Variants in VPS13A observed in about 807,000 individuals in gnomAD.
VPS13A encodes vacuolar protein sorting 13 homolog A, also known as intermembrane lipid transfer protein VPS13A.
Under a neutral mutation model 390.9 loss-of-function variants are expected in VPS13A, and 264 were observed. The ratio of observed to expected loss-of-function variants is 0.68; its 90% confidence interval spans 0.61 to 0.75. The LOEUF is 0.75. Among genes scored for constraint, VPS13A ranks in the 30% least tolerant of loss-of-function variants. The pLI is 0.00. For synonymous variants in VPS13A, 1,231 were observed against 1,227.1 expected (o/e 1.00, Z -0.07); for missense variants, 3,409 against 3,733.9 (o/e 0.91, Z 2.27).
chr9:77,264,396 T>C (rs1825922045), intron 23 of VPS13A, among the ~76,000 whole-genome samples: 2 of 152,180 alleles, frequency 1.3e-5, no homozygotes, highest in African/African-American at 4.8e-5. Flanking sequence ...AGTATGGCCA[T>C]TTTCACAATA....
chr9:77,299,019 C>T (rs1281828170), intron 33 of VPS13A, among the ~76,000 whole-genome samples: 1 of 152,104 alleles, frequency 6.6e-6, no homozygotes, highest in Non-Finnish European at 1.5e-5. Flanking sequence ...AATAGGGAAT[C>T]CTTTCCCCAT....
At chr9:77,295,919 G>A in intron 33 of VPS13A, 73 bp downstream of exon 33, 2 of 1,440,956 alleles carry the variant, frequency 1.4e-6, no homozygotes, top group Non-Finnish European at 1.9e-6. Flanking sequence ...GATGTCTTGA[G>A]TAGTCTGTTT....
chr9:77,352,908 C>T (rs1831549857), intron 53 of VPS13A, among the ~76,000 whole-genome samples: 1 of 152,154 alleles, frequency 6.6e-6, no homozygotes, highest in South Asian at 2.1e-4. Context: ...CCTCAAAACC[C>T]TGATATCAGC....
chr9:77,211,443 C>G (rs1224211154), intron 7 of VPS13A: 1 of 152,030 alleles, frequency 6.6e-6, no homozygotes, highest in African/African-American at 2.4e-5. Flanking sequence ...AAAATTCATT[C>G]AGTTTAACTG....
chr9:77,366,713 C>A lies in VPS13A; in HGVS notation c.8326-14C>A. On this transcript the variant is annotated splice_polypyrimidine_tract_variant and intron_variant, in intron 60 of 71. Coordinates refer to ENST00000360280, the MANE Select transcript of VPS13A (RefSeq NM_033305.3). ...AGAAAATACTTTTAAATATTTATCTCTTTATCTTTTTAGTTACATTTAAGT... is the reference window on the plus strand; with the variant it reads ...AGAAAATACTTTTAAATATTTATCTATTTATCTTTTTAGTTACATTTAAGT... 1.3e-6 allele frequency: 2 copies of A among 1,598,458 alleles called. No individual in the cohort carries two copies. Among genetic ancestry groups the A allele is most frequent in the Non-Finnish European group, 1.7e-6 (2 of 1,170,248 alleles).
At position 77,186,585 on chromosome 9, in the gene VPS13A, A is replaced by G. The variant is rs556787642; in HGVS notation, c.100+8781A>G. Among the ~76,000 whole-genome samples the G allele has an allele frequency of 1.6e-3, 244 of 152,134 alleles. 1 individual carries two copies. Among genetic ancestry groups the G allele is most frequent in the African/African-American group, 5.6e-3 (231 of 41,504 alleles). Reference sequence around the variant, plus strand: ...CCTAAGTAGCTGGGACTACAGATGCATGCCACCATGCCCAGCTAATTTTTG... The same window carrying G: ...CCTAAGTAGCTGGGACTACAGATGCGTGCCACCATGCCCAGCTAATTTTTG... On this transcript the variant is annotated intron_variant, in intron 1 of 71. Coordinates refer to ENST00000360280, the MANE Select transcript of VPS13A (RefSeq NM_033305.3).
chr9:77,243,285 G>A (rs112208239), intron 19 of VPS13A, among the ~76,000 whole-genome samples: 41 of 152,186 alleles, frequency 2.7e-4, no homozygotes, highest in African/African-American at 8.0e-4. Flanking sequence ...CTTACTTGTT[G>A]AACATCCTTA....
intron 19 of VPS13A, among the ~76,000 whole-genome samples, chr9:77,246,719 A>C (rs1294844394): frequency 6.6e-6 from 1 of 152,174 alleles, no homozygotes; most frequent in African/African-American, 2.4e-5. Flanking sequence ...AATGAATTAA[A>C]TTTATTAGAC....
intron 33 of VPS13A, among the ~76,000 whole-genome samples, chr9:77,297,667 A>G (rs527992085): frequency 3.9e-5 from 6 of 151,952 alleles, no homozygotes; most frequent in African/African-American, 1.4e-4. Context: ...TCACTTGAGC[A>G]TTTATTAAGC....
At chr9:77,261,589 A>AT (rs1029240700) in intron 23 of VPS13A, among the ~76,000 whole-genome samples, 2,753 of 140,314 alleles carry the variant, frequency 0.02, 42 homozygotes, top group African/African-American at 0.048. Flanking sequence ...AAAAAAAAAA[A>AT]TTTTTTTTTT....
intron 63 of VPS13A, 39 bp downstream of exon 63, chr9:77,369,451 A>G: frequency 2.5e-6 from 3 of 1,206,514 alleles, no homozygotes; most frequent in Admixed American, 1.7e-5. Context: ...ATATGTCACT[A>G]ATACTTTTGA....
chr9:77,247,090 G>T (rs960038876), intron 19 of VPS13A, among the ~76,000 whole-genome samples, 169 bp from the exon 20 acceptor site: 4 of 152,038 alleles, frequency 2.6e-5, no homozygotes, highest in Non-Finnish European at 5.9e-5. Flanking sequence ...AGGAGTACAT[G>T]CATTGGCAGG....
intron 24 of VPS13A, 81 bp from the exon 25 acceptor site, chr9:77,275,417 G>A (rs1587472988): frequency 7.6e-7 from 1 of 1,316,888 alleles, no homozygotes; most frequent in East Asian, 2.4e-5. Flanking sequence ...TAGTGTTTTA[G>A]TGTTCATATT....
intron 27 of VPS13A, 122 bp from the exon 28 acceptor site, chr9:77,281,739 GTATATA>G (rs111517856): frequency 3.7e-5 from 18 of 491,826 alleles, no homozygotes; most frequent in East Asian, 7.3e-5. Flanking sequence ...GTGTATATGT[GTATATA>G]TATATATATA....
At chr9:77,398,475 A>AGAG (rs1481021658) in intron 68 of VPS13A, among the ~76,000 whole-genome samples, 2 of 152,152 alleles carry the variant, frequency 1.3e-5, no homozygotes, top group Non-Finnish European at 2.9e-5. Flanking sequence ...TGTAAAAGGA[A>AGAG]GAGATTGGTT....
chr9:77,209,347 A>G, intron 5 of VPS13A, 76 bp from the exon 6 acceptor site: 1 of 1,004,676 alleles, frequency 1.0e-6, no homozygotes, highest in South Asian at 1.4e-5. Flanking sequence ...CAACGTAAGC[A>G]TGTTACTTCA....
intron 45 of VPS13A, among the ~76,000 whole-genome samples, chr9:77,329,202 A>G (rs1830162540): frequency 6.6e-6 from 1 of 152,196 alleles, no homozygotes; most frequent in South Asian, 2.1e-4. Flanking sequence ...CCAGACCACT[A>G]GAGTATTCTT....
chr9:77,348,283 T>C (rs1831269081), intron 52 of VPS13A, among the ~76,000 whole-genome samples: 1 of 152,186 alleles, frequency 6.6e-6, no homozygotes, highest in South Asian at 2.1e-4. Flanking sequence ...CCATGGATAC[T>C]ATGCAGCCGT....
intron 26 of VPS13A, among the ~76,000 whole-genome samples, chr9:77,278,706 T>G (rs1826839628): frequency 6.6e-6 from 1 of 152,200 alleles, no homozygotes. Flanking sequence ...TCTCAGGAAT[T>G]GTAGGATTAG....
Sources: gnomAD v4.1 joint callset for allele counts (sites outside exome capture counted in the v4.1 genomes callset) on GRCh38, gnomAD v4.1.1 for gene constraint, MANE v1.5 for transcripts, NCBI Gene and HGNC (gene_info 2026-07-23, HGNC 2026-07-21) for gene names.